Variants in ZNF341 observed in about 807,000 individuals in gnomAD.
ZNF341 encodes zinc finger protein 341.
A neutral mutation model predicts 87.7 loss-of-function variants in ZNF341; 52 were observed. The observed-to-expected ratio is 0.59, with a 90% CI of 0.47 to 0.75. ZNF341 has a LOEUF of 0.75. Ranked by LOEUF, ZNF341 falls within the 30% of genes least tolerant of loss-of-function variation. ZNF341 has a pLI of 0.00. For missense variants in ZNF341, 977 were observed against 1,145.9 expected, an observed-to-expected ratio of 0.85 and a Z score of 2.13; for synonymous variants, 459 against 472.7, an observed-to-expected ratio of 0.97 and a Z score of 0.38.
chr20:33,760,864 C>A (rs1443895643), intron 7 of ZNF341, among the ~76,000 whole-genome samples: 2 of 152,064 alleles, frequency 1.3e-5, no homozygotes, highest in Non-Finnish European at 2.9e-5. Flanking sequence ...TTTAAATAGC[C>A]CCATATGGCT....
At position 33,745,165 on chromosome 20, in the gene ZNF341, A is replaced by AT; in HGVS notation, c.206dup (p.Met69IlefsTer71). 6.2e-7 allele frequency: 1 copy of AT among 1,614,112 alleles called. No homozygotes were observed. Among genetic ancestry groups the AT allele is most frequent in the Non-Finnish European group, 8.5e-7 (1 of 1,180,000 alleles). On this transcript the variant is annotated frameshift_variant, in exon 3 of 15. Coordinates refer to ENST00000375200, the MANE Select transcript of ZNF341 (RefSeq NM_001282933.2). LOFTEE classifies it high-confidence loss of function. ...GCAATTCAACTCGCTGCCAGCGTTT[A>AT]TGACCCACAAGCGGGAACAGTGCCA...
Position 33,756,676 on chromosome 20 carries a change from C to T in ZNF341, c.742-472C>T, listed in dbSNP as rs1006885133. On this transcript the variant is annotated intron_variant, in intron 5 of 14. Transcript: ENST00000375200. ...AGCCACCAGGCTCAGCCACCTAGTT[C>T]TCTTAATGCTAGCAAAGTACCACTG... 3.9e-5 allele frequency among the ~76,000 whole-genome samples: 6 copies of T among 152,266 alleles called. No individual in the cohort carries two copies. The East Asian group carries it at 5.8e-4, about 15-fold the overall frequency.
intron 2 of ZNF341, among the ~76,000 whole-genome samples, chr20:33,743,183 C>T (rs1449047726): frequency 6.6e-6 from 1 of 151,912 alleles, no homozygotes; most frequent in African/African-American, 2.4e-5. Context: ...AGGCACCTGC[C>T]ACCACACCCG....
At chr20:33,779,353 A>G (rs1381893024) in intron 10 of ZNF341, among the ~76,000 whole-genome samples, 1 of 151,658 alleles carries the variant, frequency 6.6e-6, no homozygotes, top group Non-Finnish European at 1.5e-5. Context: ...ATCACCTCCC[A>G]CCAGAACTCA....
intron 3 of ZNF341, among the ~76,000 whole-genome samples, 159 bp downstream of exon 3, chr20:33,745,458 A>T (rs1271390454): frequency 6.6e-6 from 1 of 152,134 alleles, no homozygotes; most frequent in Non-Finnish European, 1.5e-5. Flanking sequence ...TGTTTTCAGC[A>T]TGTTAAATGC....
chr20:33,745,352 C>T, intron 3 of ZNF341, 53 bp downstream of exon 3: 1 of 1,544,628 alleles, frequency 6.5e-7, no homozygotes, highest in Non-Finnish European at 8.8e-7. Context: ...CTAACATGCT[C>T]AGGCACTGTG....
chr20:33,771,235 T>C (rs1483617071), intron 10 of ZNF341, among the ~76,000 whole-genome samples: 3 of 152,158 alleles, frequency 2.0e-5, no homozygotes, highest in Non-Finnish European at 4.4e-5. Context: ...TGAAGCTATA[T>C]GCTGATTCCT....
chr20:33,747,888 G>T (rs2018966901), intron 3 of ZNF341, among the ~76,000 whole-genome samples: 1 of 151,192 alleles, frequency 6.6e-6, no homozygotes. Context: ...TGGAGATGGG[G>T]TTTCACTGTT....
chr20:33,732,792 A>C lies in ZNF341; in HGVS notation c.31+740A>C, dbSNP rs537070608. Among the ~76,000 whole-genome samples, 1 of 152,194 alleles carries C rather than the reference A, an allele frequency of 6.6e-6. No homozygotes were observed. The highest frequency in any genetic ancestry group is 1.9e-4 in the East Asian group (1 of 5,158). ...GATGGGGTTGGTGCTCAGGCTCAAAACTGTGGGCTTTGGAGACAGCAAACA... is the reference window on the plus strand; with the variant it reads ...GATGGGGTTGGTGCTCAGGCTCAAACCTGTGGGCTTTGGAGACAGCAAACA... On this transcript the variant is annotated intron_variant, in intron 1 of 14. Coordinates refer to ENST00000375200, the MANE Select transcript of ZNF341 (RefSeq NM_001282933.2). The surrounding 1 kb of genome is among the most constrained non-coding windows in gnomAD (Gnocchi z 4.5).
chr20:33,754,011 C>T (rs1406270994), intron 5 of ZNF341, among the ~76,000 whole-genome samples: 1 of 152,190 alleles, frequency 6.6e-6, no homozygotes, highest in Non-Finnish European at 1.5e-5. Context: ...GCGTGACTCT[C>T]ATCCTCCACT....
intron 14 of ZNF341, 48 bp from the exon 15 acceptor site, chr20:33,790,940 C>G: frequency 1.3e-6 from 2 of 1,564,610 alleles, no homozygotes; most frequent in Non-Finnish European, 1.7e-6. Context: ...GGCACTGTTG[C>G]GGGGTGAAGG....
intron 5 of ZNF341, among the ~76,000 whole-genome samples, chr20:33,756,444 G>A (rs909773915): frequency 2.7e-5 from 4 of 150,520 alleles, no homozygotes; most frequent in African/African-American, 9.8e-5. Flanking sequence ...TCGGCCCACT[G>A]CAACCTCCGC....
At chr20:33,786,628 G>A (rs1315847272) in intron 12 of ZNF341, among the ~76,000 whole-genome samples, 2 of 152,126 alleles carry the variant, frequency 1.3e-5, no homozygotes, top group African/African-American at 2.4e-5. Context: ...TTGTAAGTTT[G>A]ATATTACCAA....
In ZNF341 at chr20:33,791,508, C is replaced by A; in HGVS notation, c.2556C>A (p.Ala852=). The change falls in exon 15 of 15, where the codon GCC becomes GCA. Residue 852 remains alanine (A), a synonymous_variant. Transcript: ENST00000375200. ...TCGCTGTGCCCGTCTACATCCAGGCCTCCGAGTGACGGACCTGAGGTGTCT... is the reference window on the plus strand; with the variant it reads ...TCGCTGTGCCCGTCTACATCCAGGCATCCGAGTGACGGACCTGAGGTGTCT... The part of the protein sequence containing the change: ...AMLAVPVYIQ[A]SE 1 of 1,556,728 alleles carries A rather than the reference C, an allele frequency of 6.4e-7. No individual in the cohort carries two copies. Among genetic ancestry groups the A allele is most frequent in the Non-Finnish European group, 8.7e-7 (1 of 1,154,248 alleles).
Position 33,791,294 on chromosome 20 carries a change from C to A in ZNF341, c.2342C>A (p.Ala781Asp). 1 of 1,611,712 alleles carries A rather than the reference C, an allele frequency of 6.2e-7. No homozygotes were observed. Among genetic ancestry groups the A allele is most frequent in the Non-Finnish European group, 8.5e-7 (1 of 1,179,532 alleles). Residue 781 changes from alanine to aspartate, a missense_variant, in exon 15 of 15, where the codon GCT (alanine) becomes GAT (aspartate). Coordinates refer to ENST00000375200, the MANE Select transcript of ZNF341 (RefSeq NM_001282933.2). ...LGLEELKDTG[A>D]GLVPEAVPGK... is the part of the protein sequence containing the mutation. ...CTGGAGGAGCTGAAGGACACAGGGG[C>A]TGGGCTGGTGCCCGAGGCTGTCCCC... is the stretch of plus-strand genomic sequence containing the variant.
At chr20:33,776,961 G>A (rs1414188860) in intron 10 of ZNF341, among the ~76,000 whole-genome samples, 1 of 151,946 alleles carries the variant, frequency 6.6e-6, no homozygotes, top group Non-Finnish European at 1.5e-5. Flanking sequence ...CACCTGGCCT[G>A]TATTTCCTAA....
intron 1 of ZNF341, 72 bp from the exon 2 acceptor site, chr20:33,740,830 C>A: frequency 7.0e-7 from 1 of 1,436,548 alleles, no homozygotes; most frequent in Non-Finnish European, 9.7e-7. Flanking sequence ...TTGCCTGGGT[C>A]TGGCTTGTAA....
intron 7 of ZNF341, 115 bp from the exon 8 acceptor site, chr20:33,761,747 T>A: frequency 3.4e-6 from 3 of 892,600 alleles, no homozygotes; most frequent in Non-Finnish European, 4.9e-6. Flanking sequence ...GGTGTCAGAA[T>A]GTGGCAAGTG....
intron 3 of ZNF341, among the ~76,000 whole-genome samples, chr20:33,747,896 G>T (rs367758208): frequency 1.3e-5 from 2 of 150,824 alleles, no homozygotes; most frequent in East Asian, 4.0e-4. Flanking sequence ...GGGTTTCACT[G>T]TTGGCCAGGC....
Sources: gnomAD v4.1 joint callset for allele counts (sites outside exome capture counted in the v4.1 genomes callset) on GRCh38, gnomAD v4.1.1 for gene constraint, Gnocchi (gnomAD v3.1) non-coding constraint, MANE v1.5 for transcripts, NCBI Gene and HGNC (gene_info 2026-07-23, HGNC 2026-07-21) for gene names.